Variants in ASTN1 observed in about 807,000 individuals in gnomAD.
The protein encoded by ASTN1 is astrotactin-1.
ASTN1 carries 41 observed loss-of-function variants against 140.7 expected under a neutral mutation model. That is an observed-to-expected ratio of 0.29 (90% CI 0.23 to 0.38). ASTN1 has a LOEUF of 0.38. Ranked by LOEUF, ASTN1 falls within the 10% of genes least tolerant of loss-of-function variation. The probability of loss-of-function intolerance (pLI) is 1.00; values close to 1 mark genes in which losing one functional copy is unlikely to be tolerated. For synonymous variants in ASTN1, 640 were observed against 652.2 expected, an observed-to-expected ratio of 0.98 and a Z score of 0.29; for missense variants, 1,479 against 1,678.8, an observed-to-expected ratio of 0.88 and a Z score of 2.08.
intron 1 of ASTN1, among the ~76,000 whole-genome samples, chr1:177,156,571 T>A (rs547438996): frequency 6.6e-6 from 1 of 151,844 alleles, no homozygotes; most frequent in African/African-American, 2.4e-5. Flanking sequence ...CCATAGGACA[T>A]AAATAAATAA....
intron 12 of ASTN1, among the ~76,000 whole-genome samples, chr1:176,947,100 G>A (rs911400015): frequency 1.1e-4 from 17 of 152,166 alleles, no homozygotes; most frequent in African/African-American, 1.9e-4. Context: ...ATAATATAGC[G>A]AGAAGCAATA....
At chr1:177,120,651 C>A (rs1558110024) in intron 1 of ASTN1, among the ~76,000 whole-genome samples, 1 of 152,178 alleles carries the variant, frequency 6.6e-6, no homozygotes, top group African/African-American at 2.4e-5. Flanking sequence ...AAAGACAGCA[C>A]TTTCTTCTAT....
At position 177,043,412 on chromosome 1, in the gene ASTN1, C is replaced by T. The variant is rs540264625; in HGVS notation, c.472-10563G>A. On this transcript the variant is annotated intron_variant, in intron 2 of 22. Transcript: ENST00000361833. Reference sequence around the variant, plus strand: ...AGATTTGGAGAAGACAGGAGAAAGCCCACGGGCCATGTTTTGCATTAGAAC... The same window carrying T: ...AGATTTGGAGAAGACAGGAGAAAGCTCACGGGCCATGTTTTGCATTAGAAC... Among the ~76,000 whole-genome samples the T allele has an allele frequency of 2.6e-4, 40 of 152,280 alleles. 1 individual carries two copies. The highest frequency in any genetic ancestry group is 2.1e-3 in the East Asian group (11 of 5,188).
At chr1:177,088,427 A>G (rs989865877) in intron 1 of ASTN1, among the ~76,000 whole-genome samples, 10 of 152,148 alleles carry the variant, frequency 6.6e-5, no homozygotes, top group Admixed American at 1.3e-4. Context: ...ATCCAAAGAC[A>G]TACAGGGGTT....
intron 13 of ASTN1, 131 bp from the exon 14 acceptor site, chr1:176,944,149 C>T (rs1301731870): frequency 7.5e-6 from 9 of 1,205,204 alleles, no homozygotes; most frequent in Non-Finnish European, 9.3e-6. Flanking sequence ...AGGATCTCAG[C>T]TCACCGCAAC....
intron 8 of ASTN1, among the ~76,000 whole-genome samples, chr1:176,971,333 C>T (rs1421453405): frequency 1.3e-5 from 2 of 152,134 alleles, no homozygotes; most frequent in African/African-American, 4.8e-5. Flanking sequence ...ACAATCATTA[C>T]TAGTTCTGGG....
At chr1:177,041,293 C>T (rs530461306) in intron 2 of ASTN1, among the ~76,000 whole-genome samples, 1 of 152,202 alleles carries the variant, frequency 6.6e-6, no homozygotes, top group African/African-American at 2.4e-5. Flanking sequence ...ATGGATGGCA[C>T]CCCAATCAGC....
intron 2 of ASTN1, among the ~76,000 whole-genome samples, chr1:177,041,116 A>T (rs1373576197): frequency 6.6e-6 from 1 of 152,172 alleles, no homozygotes; most frequent in Non-Finnish European, 1.5e-5. Context: ...GATGACAGAG[A>T]AGCAGCTCAT....
intron 1 of ASTN1, among the ~76,000 whole-genome samples, chr1:177,146,735 T>TG (rs1298115317): frequency 6.6e-6 from 1 of 152,180 alleles, no homozygotes. Context: ...ACACACACTG[T>TG]CAGTTGTTTT....
chr1:177,029,732 G>A lies in ASTN1; in HGVS notation c.1022C>T (p.Ala341Val), dbSNP rs1676326632. Reference protein sequence around the residue: ...RINNKARAGSAFLNPEGDSGT... With the variant: ...RINNKARAGSVFLNPEGDSGT... ...AGAATCCCCTTCAGGGTTCAAGAAG[G>A]CGGAACCAGCTGTAATGAAAGCAGC... is the stretch of plus-strand genomic sequence containing the variant. Residue 341 changes from alanine to valine, a missense_variant, in exon 5 of 23, where the codon GCC becomes GTC. By Grantham distance (64) the Ala-to-Val change is moderately conservative. Around this residue, in one of 3 missense-constraint regions of ASTN1, gnomAD observed 729 missense variants for 860.4 expected, o/e 0.85. Coordinates refer to ENST00000361833, the MANE Select transcript of ASTN1 (RefSeq NM_004319.3). 1 of 1,611,290 alleles carries A rather than the reference G, an allele frequency of 6.2e-7. No homozygotes were observed. Among genetic ancestry groups the A allele is most frequent in the Non-Finnish European group, 8.5e-7 (1 of 1,178,420 alleles).
At chr1:176,877,801 GCA>G (rs1668625309) in intron 20 of ASTN1, among the ~76,000 whole-genome samples, 1 of 152,106 alleles carries the variant, frequency 6.6e-6, no homozygotes, top group African/African-American at 2.4e-5. Context: ...TTTTCTTTTG[GCA>G]CAGTTACAGG....
chr1:177,125,742 G>A (rs1298049440), intron 1 of ASTN1, among the ~76,000 whole-genome samples: 2 of 152,270 alleles, frequency 1.3e-5, no homozygotes, highest in East Asian at 3.9e-4. Context: ...GTTAGCACTA[G>A]TACCCTAAAC....
At chr1:177,001,254 C>A (rs79070129) in intron 8 of ASTN1, among the ~76,000 whole-genome samples, 13 of 152,128 alleles carry the variant, frequency 8.5e-5, no homozygotes, top group Admixed American at 5.2e-4. Flanking sequence ...TTGTTTCTGC[C>A]TTCATGGAAT....
chr1:176,864,686 CTG>C (rs79858089), intron 22 of ASTN1, among the ~76,000 whole-genome samples, 165 bp from the exon 23 acceptor site: 9,117 of 152,264 alleles, frequency 0.06, 353 homozygotes, highest in Non-Finnish European at 0.087. Flanking sequence ...CCAAAAATAT[CTG>C]TCAAGCAAAT....
intron 12 of ASTN1, among the ~76,000 whole-genome samples, chr1:176,948,142 A>T (rs775296348): frequency 6.6e-6 from 1 of 152,242 alleles, no homozygotes; most frequent in African/African-American, 2.4e-5. Context: ...TAGTTTTATG[A>T]CTATAAACAT....
chr1:176,974,271 T>C (rs1419824312), intron 8 of ASTN1, among the ~76,000 whole-genome samples: 1 of 152,226 alleles, frequency 6.6e-6, no homozygotes, highest in Non-Finnish European at 1.5e-5. Context: ...GGTTGAATAC[T>C]TTTTTAATAT....
At chr1:177,090,142 TA>T (rs1466966453) in intron 1 of ASTN1, among the ~76,000 whole-genome samples, 2 of 151,860 alleles carry the variant, frequency 1.3e-5, no homozygotes, top group Non-Finnish European at 1.5e-5. Flanking sequence ...ATAATCTTTG[TA>T]ATTCAATTTT....
chr1:177,161,870 T>C (rs1182645236), intron 1 of ASTN1, among the ~76,000 whole-genome samples: 1 of 152,140 alleles, frequency 6.6e-6, no homozygotes, highest in East Asian at 1.9e-4. Flanking sequence ...AGCATCCCTA[T>C]ACCCCTTAAC....
intron 2 of ASTN1, among the ~76,000 whole-genome samples, chr1:177,060,473 T>C (rs1678028383): frequency 6.6e-6 from 1 of 152,178 alleles, no homozygotes; most frequent in Non-Finnish European, 1.5e-5. Context: ...AATACACTAA[T>C]TGGATAATTC....
Sources: gnomAD v4.1 joint callset for allele counts (sites outside exome capture counted in the v4.1 genomes callset) on GRCh38, gnomAD v4.1.1 for gene constraint, gnomAD v4.1.1 regional missense constraint, MANE v1.5 for transcripts, NCBI Gene and HGNC (gene_info 2026-07-23, HGNC 2026-07-21) for gene names.